ZFYVE9: variants seen among roughly 807,000 people sequenced by gnomAD.
ZFYVE9 encodes the protein zinc finger FYVE-type containing 9, also known as zinc finger FYVE domain-containing protein 9.
A neutral mutation model predicts 126.7 loss-of-function variants in ZFYVE9; 43 were observed. The observed-to-expected ratio is 0.34, with a 90% CI of 0.27 to 0.44. The LOEUF (loss-of-function observed/expected upper bound fraction) is 0.44. Ranked by LOEUF, ZFYVE9 falls within the 20% of genes least tolerant of loss-of-function variation. ZFYVE9 has a pLI of 1.00. For missense variants in ZFYVE9, 1,476 were observed against 1,697.0 expected (o/e 0.87, Z 2.29); for synonymous variants, 521 against 597.4 (o/e 0.87, Z 1.87).
At chr1:52,318,366 TTGTATG>T (rs1163921515) in intron 13 of ZFYVE9, among the ~76,000 whole-genome samples, 126 of 84,002 alleles carry the variant, frequency 1.5e-3, no homozygotes, top group East Asian at 0.014. Flanking sequence ...GAGAGCATGA[TTGTATG>T]TGTGTGTGTG....
intron 1 of ZFYVE9, among the ~76,000 whole-genome samples, chr1:52,175,366 A>T (rs1467827680): frequency 6.6e-6 from 1 of 151,672 alleles, no homozygotes; most frequent in Non-Finnish European, 1.5e-5. Context: ...GTTTCTGCCG[A>T]GAGATCAGCT....
intron 1 of ZFYVE9, among the ~76,000 whole-genome samples, chr1:52,170,846 G>A (rs1451896486): frequency 6.6e-6 from 1 of 151,988 alleles, no homozygotes; most frequent in Non-Finnish European, 1.5e-5. Context: ...GCTTTTGAAC[G>A]TTTTAAGGCT....
At chr1:52,282,030 G>A (rs2147817423) in intron 10 of ZFYVE9, among the ~76,000 whole-genome samples, 1 of 152,180 alleles carries the variant, frequency 6.6e-6, no homozygotes, top group East Asian at 1.9e-4. Context: ...AATCAAAGCT[G>A]TAAGAGAATC....
intron 1 of ZFYVE9, among the ~76,000 whole-genome samples, chr1:52,159,361 A>G (rs1644433953): frequency 6.6e-6 from 1 of 152,156 alleles, no homozygotes; most frequent in African/African-American, 2.4e-5. Context: ...TGAGTCCTTC[A>G]GGAAGCAGCT....
intron 15 of ZFYVE9, among the ~76,000 whole-genome samples, chr1:52,336,947 TAAAAAAAAAAA>T (rs71041896): frequency 9.3e-6 from 1 of 107,874 alleles, no homozygotes; most frequent in African/African-American, 3.6e-5. Flanking sequence ...AGTCATCTCT[TAAAAAAAAAAA>T]AAAAAAAAAA....
chr1:52,302,875 C>T (rs1051261589), intron 12 of ZFYVE9, among the ~76,000 whole-genome samples: 7 of 151,930 alleles, frequency 4.6e-5, no homozygotes, highest in Non-Finnish European at 8.8e-5. Context: ...TTTGAGAGAC[C>T]GAGGCAGGTG....
At chr1:52,262,566 A>T (rs1464000582) in intron 4 of ZFYVE9, among the ~76,000 whole-genome samples, 1 of 152,234 alleles carries the variant, frequency 6.6e-6, no homozygotes. Flanking sequence ...AACTGATAAC[A>T]GTCATAGTAA....
intron 1 of ZFYVE9, among the ~76,000 whole-genome samples, chr1:52,182,165 G>A (rs1329966402): frequency 5.9e-5 from 9 of 151,910 alleles, no homozygotes; most frequent in Admixed American, 5.9e-4. Context: ...GCCCCATCGG[G>A]GAGGTGAGGG....
intron 1 of ZFYVE9, among the ~76,000 whole-genome samples, chr1:52,187,120 C>T (rs1198663660): frequency 1.3e-5 from 2 of 152,046 alleles, no homozygotes; most frequent in African/African-American, 2.4e-5. Flanking sequence ...AAAACAGACA[C>T]GTAAACCAAT....
chr1:52,273,998 A>C (rs1028609461), intron 7 of ZFYVE9, among the ~76,000 whole-genome samples: 2 of 152,202 alleles, frequency 1.3e-5, no homozygotes, highest in Non-Finnish European at 2.9e-5. Flanking sequence ...CATCAAGTAC[A>C]TTCACATTGT....
At chr1:52,333,708 CACTT>C (rs1318387168) in intron 14 of ZFYVE9, among the ~76,000 whole-genome samples, 2 of 151,722 alleles carry the variant, frequency 1.3e-5, no homozygotes. Context: ...GTAATCCCAG[CACTT>C]TGGGAGGCCA....
At chr1:52,331,683 C>G (rs554585380) in intron 13 of ZFYVE9, among the ~76,000 whole-genome samples, 1 of 147,072 alleles carries the variant, frequency 6.8e-6, no homozygotes, top group African/African-American at 2.5e-5. Flanking sequence ...ACCCAGGAGG[C>G]GGAGGTTGCA....
chr1:52,203,363 A>G (rs1157138412), intron 1 of ZFYVE9, among the ~76,000 whole-genome samples: 4 of 149,968 alleles, frequency 2.7e-5, no homozygotes, highest in African/African-American at 9.8e-5. Context: ...TTGTATTTTT[A>G]GTAGAGACGG....
At chr1:52,239,726 G>A in intron 4 of ZFYVE9, 131 bp downstream of exon 4, 1 of 1,017,778 alleles carries the variant, frequency 9.8e-7, no homozygotes, top group South Asian at 2.1e-5. Flanking sequence ...TGAAAACCCA[G>A]TTCTAGTAAA....
At chr1:52,246,031 A>C (rs1454481642) in intron 4 of ZFYVE9, among the ~76,000 whole-genome samples, 1 of 152,072 alleles carries the variant, frequency 6.6e-6, no homozygotes, top group Non-Finnish European at 1.5e-5. Flanking sequence ...GGGCCCAGGC[A>C]ATTATCCCAC....
intron 1 of ZFYVE9, among the ~76,000 whole-genome samples, chr1:52,188,167 T>C (rs766586859): frequency 3.9e-5 from 6 of 152,192 alleles, no homozygotes; most frequent in Non-Finnish European, 5.9e-5. Context: ...TGAGACCATA[T>C]GCTGTGCAGG....
At chr1:52,330,639 G>A (rs1400246111) in intron 13 of ZFYVE9, among the ~76,000 whole-genome samples, 1 of 152,130 alleles carries the variant, frequency 6.6e-6, no homozygotes, top group Non-Finnish European at 1.5e-5. Flanking sequence ...GAGCAGTGAG[G>A]ACCTCCAGTG....
At chr1:52,174,646 T>C (rs1454560140) in intron 1 of ZFYVE9, among the ~76,000 whole-genome samples, 1 of 152,040 alleles carries the variant, frequency 6.6e-6, no homozygotes, top group East Asian at 1.9e-4. Context: ...TCTGAGTCTC[T>C]TTGTAGGTCA....
intron 12 of ZFYVE9, among the ~76,000 whole-genome samples, chr1:52,300,977 A>G (rs1362504125): frequency 1.3e-5 from 2 of 150,268 alleles, no homozygotes; most frequent in Non-Finnish European, 3.0e-5. Context: ...CTCCCACCTC[A>G]GCCTCCCGAG....
Sources: allele counts gnomAD v4.1 joint callset (sites outside exome capture counted in the v4.1 genomes callset), GRCh38; gene constraint gnomAD v4.1.1; transcripts MANE v1.5; gene names NCBI Gene and HGNC (gene_info 2026-07-23, HGNC 2026-07-21).